Variants in CHLSN observed in about 807,000 individuals in gnomAD.
CHLSN encodes protein cholesin.
chr7:1,028,763 T>C, the CHLSN span: 1 of 555,892 alleles, frequency 1.8e-6, no homozygotes, highest in Non-Finnish European at 2.2e-6. Flanking sequence ...TCTGTCCCCA[T>C]CTCCCCTAGT....
At chr7:1,120,776 C>G in the CHLSN span, among the ~76,000 whole-genome samples, 3 of 145,872 alleles carry the variant, frequency 2.1e-5, no homozygotes, top group Admixed American at 1.3e-4. Context: ...TCATTCCGCA[C>G]CATGGACTAT....
the CHLSN span, among the ~76,000 whole-genome samples, chr7:1,115,017 C>T: frequency 3.9e-5 from 6 of 152,344 alleles, no homozygotes; most frequent in African/African-American, 1.2e-4. Flanking sequence ...GGTCCTGTTT[C>T]GCCTTTGTGG....
chr7:986,061 A>G, the CHLSN span, among the ~76,000 whole-genome samples: 1 of 152,174 alleles, frequency 6.6e-6, no homozygotes, highest in Non-Finnish European at 1.5e-5. Flanking sequence ...GGTCCGGGGC[A>G]GCCCCAGGGC....
chr7:1,036,374 G>T, the CHLSN span, among the ~76,000 whole-genome samples: 21,380 of 146,544 alleles, frequency 0.15, 1,164 homozygotes, highest in Admixed American at 0.2. Context: ...GTGTGGCCGT[G>T]CAGGGCTCGG....
chr7:1,123,594 A>C, the CHLSN span, among the ~76,000 whole-genome samples: 1 of 151,782 alleles, frequency 6.6e-6, no homozygotes, highest in African/African-American at 2.4e-5. This position sits in a 1 kb window ranked among gnomAD's most constrained non-coding sequence, Gnocchi z 4.4. Context: ...AAAACGCTTG[A>C]AACTTTTTTT....
At chr7:1,083,880 G>T in the CHLSN span, among the ~76,000 whole-genome samples, 1 of 152,214 alleles carries the variant, frequency 6.6e-6, no homozygotes, top group Non-Finnish European at 1.5e-5. Flanking sequence ...TCCGGGCTCG[G>T]CAGGCACACA....
At chr7:1,022,022 AGGCGT>A in the CHLSN span, among the ~76,000 whole-genome samples, 1 of 152,196 alleles carries the variant, frequency 6.6e-6, no homozygotes, top group Admixed American at 6.5e-5. Context: ...GACGGCCCAC[AGGCGT>A]GGCGCCTGGG....
the CHLSN span, among the ~76,000 whole-genome samples, chr7:1,076,488 G>A: frequency 2.0e-5 from 3 of 152,340 alleles, no homozygotes; most frequent in South Asian, 2.1e-4. Context: ...GATGTGCCAC[G>A]CTGGTTTTCG....
the CHLSN span, among the ~76,000 whole-genome samples, chr7:1,017,613 T>C: frequency 6.6e-6 from 1 of 151,806 alleles, no homozygotes; most frequent in African/African-American, 2.4e-5. Context: ...CTCCTGCACC[T>C]TCTTCTGGGG....
chr7:1,052,000 A>G, the CHLSN span, among the ~76,000 whole-genome samples: 1 of 152,160 alleles, frequency 6.6e-6, no homozygotes, highest in African/African-American at 2.4e-5. Flanking sequence ...TAAAAACAGA[A>G]GGAGGAACAG....
At chr7:1,027,703 C>A in the CHLSN span, among the ~76,000 whole-genome samples, 937 of 152,394 alleles carry the variant, frequency 6.1e-3, 13 homozygotes, top group African/African-American at 0.022. Flanking sequence ...GGCCGCCTTG[C>A]CTCAGGCAAG....
At chr7:988,758 C>T in the CHLSN span, 34 of 1,598,804 alleles carry the variant, frequency 2.1e-5, no homozygotes, top group African/African-American at 5.3e-5. Context: ...CTGGACACCA[C>T]GCCCGCCCGG....
chr7:1,060,857 G>A, the CHLSN span, among the ~76,000 whole-genome samples: 3 of 152,200 alleles, frequency 2.0e-5, no homozygotes, highest in Non-Finnish European at 4.4e-5. Context: ...ATGCCTGCGC[G>A]GAAACCCTGG....
At chr7:1,007,004 T>C in the CHLSN span, among the ~76,000 whole-genome samples, 2 of 152,166 alleles carry the variant, frequency 1.3e-5, no homozygotes, top group Non-Finnish European at 2.9e-5. Context: ...CTGCCCAGCC[T>C]GCGACCCGGG....
chr7:1,072,759 C>T, the CHLSN span, among the ~76,000 whole-genome samples: 5 of 148,854 alleles, frequency 3.4e-5, no homozygotes, highest in Admixed American at 6.7e-5. Flanking sequence ...TCTCAGCTCA[C>T]TGCAACCTCC....
the CHLSN span, among the ~76,000 whole-genome samples, chr7:979,562 G>C: frequency 2.0e-5 from 3 of 152,106 alleles, no homozygotes; most frequent in Non-Finnish European, 4.4e-5. Flanking sequence ...GACCAGCCTG[G>C]CCAACATGGT....
chr7:1,057,963 T>A, the CHLSN span: 1 of 771,800 alleles, frequency 1.3e-6, no homozygotes, highest in Admixed American at 1.7e-5. Context: ...CGTGTGCGGC[T>A]TCGTGTGGGG....
At chr7:1,119,051 G>A in the CHLSN span, among the ~76,000 whole-genome samples, 2,791 of 150,720 alleles carry the variant, frequency 0.019, 70 homozygotes, top group African/African-American at 0.064. Flanking sequence ...TCTAGAGATC[G>A]AGACCATCCC....
the CHLSN span, among the ~76,000 whole-genome samples, chr7:1,057,096 C>T: frequency 9.9e-5 from 15 of 152,150 alleles, no homozygotes; most frequent in Non-Finnish European, 7.4e-5. Flanking sequence ...CATTGCCTGT[C>T]CCTCCCGGCG....
Sources: gnomAD v4.1 joint callset for allele counts (sites outside exome capture counted in the v4.1 genomes callset) on GRCh38, gnomAD v4.1.1 for gene constraint, Gnocchi (gnomAD v3.1) non-coding constraint, MANE v1.5 for transcripts, NCBI Gene and HGNC (gene_info 2026-07-23, HGNC 2026-07-21) for gene names.